The following KDM4C variants were observed in gnomAD, a reference collection of about 807,000 sequenced individuals.
KDM4C encodes the protein lysine demethylase 4C, also known as lysine-specific demethylase 4C.
KDM4C carries 81 observed loss-of-function variants against 129.3 expected under a neutral mutation model. The ratio of observed to expected loss-of-function variants is 0.63; its 90% CI spans 0.52 to 0.75. KDM4C has a LOEUF of 0.75. KDM4C is among the 30% of genes least tolerant of loss of function. The pLI is 0.00. For synonymous variants in KDM4C, 573 were observed against 456.1 expected (o/e 1.26, Z -3.26); for missense variants, 1,457 against 1,304.0 (o/e 1.12, Z -1.81).
chr9:6,747,038 A>C (rs1817905266), intron 1 of KDM4C, among the ~76,000 whole-genome samples: 1 of 150,522 alleles, frequency 6.6e-6, no homozygotes. Flanking sequence ...AAGAAAAAGA[A>C]AAAAATTAGT....
Position 7,165,291 on chromosome 9 carries a change from C to T in KDM4C, c.2835C>T (p.Val945=). The T allele has an allele frequency of 6.2e-7, 1 of 1,614,168 alleles. No homozygotes were observed. Among genetic ancestry groups the T allele is most frequent in the East Asian group, 2.2e-5 (1 of 44,876 alleles). ...GPPAEGEVVQ[V]KWPDGKLYGA... ...CTGCTGAGGGAGAAGTCGTCCAAGT[C>T]AAGTGGCCCGATGGCAAACTCTATG... Residue 945 remains valine (V), a synonymous_variant, in exon 20 of 22, where the codon GTC becomes GTT. Transcript: ENST00000381309.
intron 1 of KDM4C, among the ~76,000 whole-genome samples, chr9:6,789,500 G>A (rs1427461384): frequency 1.3e-5 from 2 of 152,012 alleles, no homozygotes; most frequent in Admixed American, 6.6e-5. Flanking sequence ...GATTACAGGC[G>A]TGAGCCACTG....
rs536038886 is a variant in KDM4C at position 6,919,146 on chromosome 9, C to T, written c.921+25914C>T. Among the ~76,000 whole-genome samples, 328 of 152,226 alleles carry T rather than the reference C, an allele frequency of 2.2e-3. 1 individual carries two copies. The highest frequency in any genetic ancestry group is 3.8e-3 in the Non-Finnish European group (259 of 67,984). On this transcript the variant is annotated intron_variant, in intron 8 of 21. Transcript: ENST00000381309. ...GATTACAGGTGTGAGCCACCACGCC[C>T]AGCCTACTCACTTTTCATTGGGGTT...
At chr9:7,121,668 A>G (rs888315263) in intron 18 of KDM4C, among the ~76,000 whole-genome samples, 48 of 152,144 alleles carry the variant, frequency 3.2e-4, no homozygotes, top group Non-Finnish European at 6.6e-4. Context: ...TACATTCTGC[A>G]TTTTTATCAC....
At chr9:6,746,791 G>A (rs1588059476) in intron 1 of KDM4C, among the ~76,000 whole-genome samples, 1 of 149,512 alleles carries the variant, frequency 6.7e-6, no homozygotes, top group Non-Finnish European at 1.5e-5. Flanking sequence ...GGTGGATCAC[G>A]AGGTCAGGAG....
intron 8 of KDM4C, among the ~76,000 whole-genome samples, chr9:6,927,086 A>G (rs1470438344): frequency 8.1e-6 from 1 of 123,454 alleles, no homozygotes; most frequent in Non-Finnish European, 1.8e-5. Context: ...TTCAAAAAAA[A>G]TTTTCTATCT....
intron 1 of KDM4C, among the ~76,000 whole-genome samples, chr9:6,730,682 C>A (rs1216055407): frequency 6.6e-6 from 1 of 151,838 alleles, no homozygotes; most frequent in African/African-American, 2.4e-5. Flanking sequence ...ATCAGGTAGC[C>A]CCCAGAATCA....
At chr9:7,031,561 T>C (rs1826777600) in intron 15 of KDM4C, among the ~76,000 whole-genome samples, 1 of 152,216 alleles carries the variant, frequency 6.6e-6, no homozygotes, top group Non-Finnish European at 1.5e-5. Flanking sequence ...GAATGGAATA[T>C]ACAATTGGAG....
At chr9:6,781,560 C>G (rs1563990958) in intron 1 of KDM4C, among the ~76,000 whole-genome samples, 1 of 152,082 alleles carries the variant, frequency 6.6e-6, no homozygotes, top group Non-Finnish European at 1.5e-5. Context: ...AAACACAAGA[C>G]AGCACTTCAG....
At chr9:7,132,639 C>T (rs1840766893) in intron 19 of KDM4C, among the ~76,000 whole-genome samples, 1 of 152,130 alleles carries the variant, frequency 6.6e-6, no homozygotes, top group Admixed American at 6.5e-5. Flanking sequence ...AATTTTTTTG[C>T]CTTCCACTAT....
intron 4 of KDM4C, among the ~76,000 whole-genome samples, chr9:6,832,068 G>T (rs543895395): frequency 6.6e-6 from 1 of 152,080 alleles, no homozygotes; most frequent in Non-Finnish European, 1.5e-5. Flanking sequence ...GGCTGGGTGC[G>T]GTGGTCATGC....
At chr9:7,158,462 C>A (rs1229473140) in intron 19 of KDM4C, among the ~76,000 whole-genome samples, 1 of 152,096 alleles carries the variant, frequency 6.6e-6, no homozygotes, top group East Asian at 1.9e-4. Flanking sequence ...ATCTTTCCTG[C>A]TTTCTCTTGT....
intron 19 of KDM4C, among the ~76,000 whole-genome samples, chr9:7,129,042 G>C (rs988638797): frequency 3.3e-5 from 5 of 152,106 alleles, no homozygotes; most frequent in Non-Finnish European, 5.9e-5. Context: ...TGCTGATCCT[G>C]TTATCCCTTC....
At chr9:7,077,545 G>T (rs1054636912) in intron 17 of KDM4C, among the ~76,000 whole-genome samples, 1 of 152,092 alleles carries the variant, frequency 6.6e-6, no homozygotes, top group Non-Finnish European at 1.5e-5. Context: ...TAAAACTGGG[G>T]CTAAGAAGAG....
At position 6,984,183 on chromosome 9, in the gene KDM4C, C is replaced by G. The variant is rs758606875; in HGVS notation, c.1133C>G (p.Ser378Cys). The G allele has an allele frequency of 2.5e-6, 4 of 1,613,288 alleles. No homozygotes were observed. In the East Asian group the frequency reaches 8.9e-5, roughly 36 times the overall value. ...GTTGACAGCTTCCAGTGTGCTAGGT[C>G]TACCTCTAAAAGGCCTAAGGCTGAT... is the stretch of plus-strand genomic sequence containing the variant. ...KASRSFQCAR[S>C]TSKRPKADEE... is the part of the protein sequence containing the mutation. The change falls in exon 10 of 22, where the codon TCT (serine) becomes TGT (cysteine). Residue 378 changes from serine (S) to cysteine (C), a missense_variant. Coordinates refer to ENST00000381309, the MANE Select transcript of KDM4C (RefSeq NM_015061.6).
At chr9:6,829,395 A>T (rs2131300760) in intron 4 of KDM4C, among the ~76,000 whole-genome samples, 1 of 152,332 alleles carries the variant, frequency 6.6e-6, no homozygotes, top group Middle Eastern at 3.4e-3. Context: ...CAGCAGTGAG[A>T]ATTCAGTGAG....
In KDM4C at chr9:6,984,305, G is replaced by A. The variant is rs772672516; in HGVS notation, c.1255G>A (p.Ala419Thr). 1.9e-6 allele frequency: 3 copies of A among 1,614,098 alleles called. No homozygotes were observed. The highest frequency in any genetic ancestry group is 8.5e-7 in the Non-Finnish European group (1 of 1,179,952). ...DLKVSEKSEA[A>T]VKLRNTEASS... Reference sequence around the variant, plus strand: ...CAAGGTCAGTGAAAAGTCAGAAGCAGCAGTGAAGCTGAGGAACACAGAAGC... The same window carrying A: ...CAAGGTCAGTGAAAAGTCAGAAGCAACAGTGAAGCTGAGGAACACAGAAGC... The change falls in exon 10 of 22, where the codon GCA (alanine) becomes ACA (threonine). Residue 419 changes from alanine to threonine, a missense_variant. By Grantham distance (58) the Ala-to-Thr change is moderately conservative. Transcript: ENST00000381309.
chr9:6,896,534 G>A (rs944842779), intron 8 of KDM4C, among the ~76,000 whole-genome samples: 1 of 151,272 alleles, frequency 6.6e-6, no homozygotes, highest in Non-Finnish European at 1.5e-5. Flanking sequence ...TTAATTAGGT[G>A]ACTCAGAAAA....
At chr9:7,004,939 A>G (rs1821385918) in intron 12 of KDM4C, among the ~76,000 whole-genome samples, 1 of 152,232 alleles carries the variant, frequency 6.6e-6, no homozygotes, top group South Asian at 2.1e-4. Flanking sequence ...TGACACACAG[A>G]TAGTCTGCTT....
Sources: allele counts gnomAD v4.1 joint callset (sites outside exome capture counted in the v4.1 genomes callset), GRCh38; gene constraint gnomAD v4.1.1; transcripts MANE v1.5; gene names NCBI Gene and HGNC (gene_info 2026-07-23, HGNC 2026-07-21).